KIFC2: variants seen among roughly 807,000 people sequenced by gnomAD.
KIFC2 encodes kinesin-like protein KIFC2.
In KIFC2, 94 loss-of-function variants were observed where a neutral mutation model predicts 91.5. The observed-to-expected ratio is 1.03, with a 90% CI of 0.87 to 1.22. The LOEUF (loss-of-function observed/expected upper bound fraction) is 1.22, where lower values mean the gene tolerates loss of function less well. Ranked by LOEUF, KIFC2 falls within the 50% of genes most tolerant of loss-of-function variation. The pLI, the probability that KIFC2 is intolerant of heterozygous loss-of-function variation, is 0.00. For synonymous variants in KIFC2, 729 were observed against 503.9 expected, an observed-to-expected ratio of 1.45 and a Z score of -5.98; for missense variants, 1,357 against 1,103.3, an observed-to-expected ratio of 1.23 and a Z score of -3.26.
In KIFC2 at chr8:144,466,518, G is replaced by A. The variant is rs1468419435; in HGVS notation, c.99G>A (p.Gln33=). 1 of 1,271,646 alleles carries A rather than the reference G, an allele frequency of 7.9e-7. No individual in the cohort carries two copies. The highest frequency in any genetic ancestry group is 2.2e-5 in the South Asian group (1 of 44,782). 78.8% of individuals were successfully genotyped at this position (1,271,646 alleles called of 1,614,324 possible). A position where few individuals can be genotyped will look rare whatever the true frequency, so the allele number is the denominator to read the frequency against. ...CCGCGGAGCCCGGGGACCCCGCCCA[G>A]GTGAGCGGGGCTGGCCGTGCAGCCC... ...AAAAEPGDPA[Q]RARKPRGRRR... Residue 33 remains glutamine, a splice_region_variant and synonymous_variant, in exon 1 of 18, where the codon CAG becomes CAA. Transcript: ENST00000645548.
chr8:144,467,681 G>T (rs1824737538), intron 5 of KIFC2, 33 bp from the exon 6 acceptor site: 1 of 1,608,960 alleles, frequency 6.2e-7, no homozygotes, highest in Non-Finnish European at 8.5e-7. Flanking sequence ...CCAGAAAAAG[G>T]AGGTCCACCC....
intron 7 of KIFC2, 124 bp downstream of exon 7, chr8:144,468,111 G>C: frequency 7.7e-7 from 1 of 1,306,300 alleles, no homozygotes; most frequent in Non-Finnish European, 1.0e-6. Flanking sequence ...AGCCCCATCA[G>C]GGAGGCTGAT....
chr8:144,467,952 C>A lies in KIFC2; in HGVS notation c.775C>A (p.His259Asn), dbSNP rs1010908265. 5 of 1,594,726 alleles carry A rather than the reference C, an allele frequency of 3.1e-6. No individual in the cohort carries two copies. The African/African-American group carries it at 6.8e-5, about 22-fold the overall frequency. ...SLSLMRDLLLHWGPGPPIRAP... is the reference protein window; with the variant it reads ...SLSLMRDLLLNWGPGPPIRAP... ...GAGTCTCATGCGGGACCTCCTGCTG[C>A]ACTGGGGCCCCGGGCCCCCCATCAG... Residue 259 changes from histidine to asparagine, a missense_variant, in exon 7 of 18, where the codon CAC (histidine) becomes AAC (asparagine). Coordinates refer to ENST00000645548, the MANE Select transcript of KIFC2 (RefSeq NM_001369769.2).
In KIFC2 at chr8:144,471,965, G is replaced by A. The variant is rs549512387; in HGVS notation, c.1404G>A (p.Ala468=). The A allele has an allele frequency of 2.0e-5, 32 of 1,613,240 alleles. No homozygotes were observed. The highest frequency in any genetic ancestry group is 3.3e-5 in the Admixed American group (2 of 60,002). ...AGGTCTTCAGAGAGCTGGAACCTGC[G>A]GTGCTGTCCTGCCTCCGAGGCTACA... ...QEEVFRELEP[A]VLSCLRGYSV... is the part of the protein sequence containing the mutation. The change falls in exon 13 of 18, where the codon GCG becomes GCA. Residue 468 remains alanine, a synonymous_variant. Transcript: ENST00000645548.
chr8:144,466,244 C>T (rs1055969592), upstream of KIFC2: 52 of 196,660 alleles, frequency 2.6e-4, no homozygotes, highest in Non-Finnish European at 4.2e-4. Flanking sequence ...CAGGTGCGGC[C>T]GCGGGCACCT....
Position 144,471,926 on chromosome 8 carries a change from C to G in KIFC2, c.1381-16C>G. ...ACGTGGGGAGGACTCAAAACACATT[C>G]TCCCGCCTCCCGCAGGTCTTCAGAG... On this transcript the variant is annotated splice_polypyrimidine_tract_variant and intron_variant, in intron 12 of 17. Transcript: ENST00000645548. The G allele has an allele frequency of 1.2e-6, 2 of 1,611,464 alleles. No homozygotes were observed. Among genetic ancestry groups the G allele is most frequent in the Non-Finnish European group, 1.7e-6 (2 of 1,178,578 alleles).
chr8:144,466,713 C>A, intron 1 of KIFC2, 47 bp from the exon 2 acceptor site: 4 of 1,428,056 alleles, frequency 2.8e-6, no homozygotes, highest in Non-Finnish European at 2.8e-6. Flanking sequence ...AAGGGGCCAG[C>A]AGGCTGCCTG....
rs2130017913 is a variant in KIFC2, at chr8:144,472,353, C to G, written c.1608-8C>G. On this transcript the variant is annotated splice_polypyrimidine_tract_variant and splice_region_variant and intron_variant, in intron 14 of 17. Coordinates refer to ENST00000645548, the MANE Select transcript of KIFC2 (RefSeq NM_001369769.2). Reference sequence around the variant, plus strand: ...TTCTGGAACCAAGACCTTCCCCTTTCTCACCAGGGACCTCCTTGCTCCAGG... The same window carrying G: ...TTCTGGAACCAAGACCTTCCCCTTTGTCACCAGGGACCTCCTTGCTCCAGG... 1 of 1,613,506 alleles carries G rather than the reference C, an allele frequency of 6.2e-7. No individual in the cohort carries two copies. The highest frequency in any genetic ancestry group is 8.5e-7 in the Non-Finnish European group (1 of 1,179,986).
chr8:144,467,030 G>A lies in KIFC2; in HGVS notation c.250G>A (p.Ala84Thr). The change falls in exon 3 of 18, where the codon GCC becomes ACC. Residue 84 changes from alanine (A) to threonine (T), a missense_variant. By Grantham distance (58) the Ala-to-Thr change is moderately conservative (BLOSUM62 0). Coordinates refer to ENST00000645548, the MANE Select transcript of KIFC2 (RefSeq NM_001369769.2). ...GRAAAVSLEE[A>T]LLRLAEFLSV... ...CGCGGCCGCGGTGTCCCTGGAAGAG[G>A]CCCTACTGCGCCTCGCCGAGTTCCT... 1.3e-6 allele frequency: 2 copies of A among 1,593,906 alleles called. No homozygotes were observed. The highest frequency in any genetic ancestry group is 4.5e-5 in the East Asian group (2 of 44,386).
chr8:144,474,194 G>C lies in KIFC2; in HGVS notation c.*805G>C, dbSNP rs745820912. The C allele has an allele frequency of 7.0e-7, 1 of 1,429,720 alleles. No individual in the cohort carries two copies. The highest frequency in any genetic ancestry group is 1.4e-5 in the African/African-American group (1 of 70,328). The allele number at this position is 1,429,720 out of a possible 1,614,324, so 88.6% of individuals were successfully genotyped here. On this transcript the variant is annotated 3_prime_UTR_variant, in exon 18 of 18. Transcript: ENST00000645548. ...CGCCTTGGCTCCCTGTCAACAAGGT[G>C]GGGGTGGGAGCGGGAGGGAGGAGTG...
rs762237807 is a variant in KIFC2, at chr8:144,466,473, G to A, written c.54G>A (p.Arg18=). 4 of 1,345,448 alleles carry A rather than the reference G, an allele frequency of 3.0e-6. No homozygotes were observed. Among genetic ancestry groups the A allele is most frequent in the Middle Eastern group, 2.0e-4 (1 of 4,966 alleles). The allele number at this position is 1,345,448 out of a possible 1,614,324, so 83.3% of individuals were successfully genotyped here. A position where few individuals can be genotyped will look rare whatever the true frequency, so the allele number is the denominator to read the frequency against. ...ACATCTTCTACAGCCTCTTCCGCAGGGATGGTGGCGCCGCGGCGGCCGCGG... is the reference window on the plus strand; with the variant it reads ...ACATCTTCTACAGCCTCTTCCGCAGAGATGGTGGCGCCGCGGCGGCCGCGG... The part of the protein sequence containing the change: ...LIYIFYSLFR[R]DGGAAAAAEP... The change falls in exon 1 of 18, where the codon AGG becomes AGA. Residue 18 remains arginine, a synonymous_variant. Coordinates refer to ENST00000645548, the MANE Select transcript of KIFC2 (RefSeq NM_001369769.2).
In KIFC2 at chr8:144,468,412, C is replaced by T. The variant is rs751397423; in HGVS notation, c.888+6C>T. 18 of 1,611,522 alleles carry T rather than the reference C, an allele frequency of 1.1e-5. No individual in the cohort carries two copies. The highest frequency in any genetic ancestry group is 3.3e-5 in the Admixed American group (2 of 59,838). On this transcript the variant is annotated splice_donor_region_variant and intron_variant, in intron 8 of 17. Transcript: ENST00000645548. Reference sequence around the variant, plus strand: ...CAGAAGCCCTCCGAGCCCAGGTGGGCATGGGGCCCAGGGATCCATGGCTCA... The same window carrying T: ...CAGAAGCCCTCCGAGCCCAGGTGGGTATGGGGCCCAGGGATCCATGGCTCA...
In KIFC2 at chr8:144,471,435, C is replaced by T. The variant is rs751342506; in HGVS notation, c.1381-507C>T. On this transcript the variant is annotated intron_variant, in intron 12 of 17. Coordinates refer to ENST00000645548, the MANE Select transcript of KIFC2 (RefSeq NM_001369769.2). ...AAGAGATCCTTCCACCTCAGCCTCC[C>T]GAGTAGCTGGGACCACAGATGTGCA... Among the ~76,000 whole-genome samples the T allele has an allele frequency of 1.2e-4, 18 of 151,934 alleles. 1 individual carries two copies. The South Asian group carries it at 1.2e-3, about 11-fold the overall frequency.
Position 144,468,626 on chromosome 8 carries a change from C to T in KIFC2, c.979C>T (p.Gln327Ter). The change falls in exon 9 of 18, where the codon CAG (glutamine) becomes TAG (stop). Residue 327 changes from glutamine to a stop codon, truncating the protein, a stop_gained. Coordinates refer to ENST00000645548, the MANE Select transcript of KIFC2 (RefSeq NM_001369769.2). LOFTEE classifies it high-confidence loss of function. ...GGAGCAGAACTGCAGGCGTGAGCTA[C>T]AGCAGATGCATGGGCAGCTGGCAGG... The part of the protein sequence containing the change: ...ETEQNCRREL[Q>*]QMHGQLAGLR... 3 of 1,613,540 alleles carry T rather than the reference C, an allele frequency of 1.9e-6. No homozygotes were observed. Among genetic ancestry groups the T allele is most frequent in the Non-Finnish European group, 2.5e-6 (3 of 1,179,714 alleles).
chr8:144,469,625 C>T lies in KIFC2; in HGVS notation c.1358C>T (p.Pro453Leu), dbSNP rs1258063510. Residue 453 changes from proline to leucine, a missense_variant, in exon 12 of 18, where the codon CCT becomes CTT. Coordinates refer to ENST00000645548, the MANE Select transcript of KIFC2 (RefSeq NM_001369769.2). ...CGATTCCGCCTAGACTGGGTCTTCCCTCCAGACGCCAGCCAGGAGGAGGTG... is the reference window on the plus strand; with the variant it reads ...CGATTCCGCCTAGACTGGGTCTTCCTTCCAGACGCCAGCCAGGAGGAGGTG... ...HRRFRLDWVFPPDASQEEVFR... is the reference protein window; with the variant it reads ...HRRFRLDWVFLPDASQEEVFR... 1 of 1,604,372 alleles carries T rather than the reference C, an allele frequency of 6.2e-7. No individual in the cohort carries two copies. The highest frequency in any genetic ancestry group is 2.2e-5 in the East Asian group (1 of 44,842).
At position 144,467,755 on chromosome 8, in the gene KIFC2, G is replaced by A. The variant is rs1465823275; in HGVS notation, c.657G>A (p.Glu219=). ...LKQQLEQQEE[E]LGRLRLGVGA... is the part of the protein sequence containing the mutation. Reference sequence around the variant, plus strand: ...AGCAGCTGGAACAGCAGGAGGAGGAGTTGGGTCGACTGCGCCTGGGCGTGG... The same window carrying A: ...AGCAGCTGGAACAGCAGGAGGAGGAATTGGGTCGACTGCGCCTGGGCGTGG... Residue 219 remains glutamate (E), a synonymous_variant, in exon 6 of 18, where the codon GAG becomes GAA. Coordinates refer to ENST00000645548, the MANE Select transcript of KIFC2 (RefSeq NM_001369769.2). 6.2e-7 allele frequency: 1 copy of A among 1,613,876 alleles called. No individual in the cohort carries two copies. Among genetic ancestry groups the A allele is most frequent in the Non-Finnish European group, 8.5e-7 (1 of 1,180,000 alleles).
At position 144,472,352 on chromosome 8, in the gene KIFC2, T is replaced by G. The variant is rs757168726; in HGVS notation, c.1608-9T>G. 10 of 1,613,246 alleles carry G rather than the reference T, an allele frequency of 6.2e-6. No individual in the cohort carries two copies. The highest frequency in any genetic ancestry group is 1.3e-5 in the African/African-American group (1 of 74,872). On this transcript the variant is annotated splice_polypyrimidine_tract_variant and intron_variant, in intron 14 of 17. Transcript: ENST00000645548. ...ATTCTGGAACCAAGACCTTCCCCTT[T>G]CTCACCAGGGACCTCCTTGCTCCAG...
intron 12 of KIFC2, chr8:144,470,720 C>G (rs1824891724): frequency 6.6e-6 from 1 of 152,394 alleles, no homozygotes; most frequent in Non-Finnish European, 1.5e-5. Flanking sequence ...CCTGTCTGTG[C>G]CTGGGCTCCA....
rs756651584 is a variant in KIFC2, at chr8:144,472,864, G to T, written c.1931G>T (p.Arg644Leu). ...ARKAGAAGPP[R>L]GDPDGARRLR... is the part of the protein sequence containing the mutation. ...AAGGCAGGGGCGGCCGGCCCGCCGCGGGGAGACCCAGACGGCGCCCGGCGC... is the reference window on the plus strand; with the variant it reads ...AAGGCAGGGGCGGCCGGCCCGCCGCTGGGAGACCCAGACGGCGCCCGGCGC... The change falls in exon 17 of 18, where the codon CGG (arginine) becomes CTG (leucine). Residue 644 changes from arginine to leucine, a missense_variant. Arg to Leu is a moderately radical substitution (Grantham distance 102). Transcript: ENST00000645548. 1.9e-6 allele frequency: 3 copies of T among 1,541,378 alleles called. No individual in the cohort carries two copies. Among genetic ancestry groups the T allele is most frequent in the Admixed American group, 4.0e-5 (2 of 50,138 alleles).
Sources: gnomAD v4.1 joint callset for allele counts (sites outside exome capture counted in the v4.1 genomes callset) on GRCh38, gnomAD v4.1.1 for gene constraint, MANE v1.5 for transcripts, NCBI Gene and HGNC (gene_info 2026-07-23, HGNC 2026-07-21) for gene names.